Variants in KCNQ3 observed in about 807,000 individuals in gnomAD.
KCNQ3 encodes the protein potassium voltage-gated channel subfamily Q member 3, also known as potassium voltage-gated channel subfamily KQT member 3.
In KCNQ3, 30 loss-of-function variants were observed where a neutral mutation model predicts 92.5. The ratio of observed to expected loss-of-function variants is 0.32; its 90% CI spans 0.24 to 0.44. KCNQ3 has a LOEUF of 0.44. Among genes scored for constraint, KCNQ3 ranks in the 20% least tolerant of loss-of-function variants. The probability of loss-of-function intolerance (pLI) is 1.00; values close to 1 mark genes in which losing one functional copy is unlikely to be tolerated. For synonymous variants in KCNQ3, 450 were observed against 468.8 expected, an observed-to-expected ratio of 0.96 and a Z score of 0.52; for missense variants, 913 against 1,140.3, an observed-to-expected ratio of 0.80 and a Z score of 2.87.
chr8:132,252,680 A>G (rs1815453112), intron 1 of KCNQ3, among the ~76,000 whole-genome samples: 1 of 152,114 alleles, frequency 6.6e-6, no homozygotes, highest in Non-Finnish European at 1.5e-5. Context: ...TGGCCCATTT[A>G]CAATCCTTTA....
intron 1 of KCNQ3, among the ~76,000 whole-genome samples, chr8:132,273,521 A>G (rs1216633795): frequency 6.6e-6 from 1 of 152,176 alleles, no homozygotes; most frequent in Non-Finnish European, 1.5e-5. Context: ...GACCTCTGAC[A>G]TGCGTTGGAG....
chr8:132,314,488 T>C (rs1183399488), intron 1 of KCNQ3, among the ~76,000 whole-genome samples: 3 of 152,176 alleles, frequency 2.0e-5, no homozygotes, highest in Non-Finnish European at 2.9e-5. Context: ...CAACTGAATA[T>C]ATCAAAAGTT....
chr8:132,230,325 C>A (rs947792037), intron 1 of KCNQ3, among the ~76,000 whole-genome samples: 2 of 152,080 alleles, frequency 1.3e-5, no homozygotes, highest in Admixed American at 6.6e-5. Flanking sequence ...AAAGCCCCCC[C>A]GCCCACTAGA....
chr8:132,392,298 T>C (rs1820067780), intron 1 of KCNQ3, among the ~76,000 whole-genome samples: 1 of 152,128 alleles, frequency 6.6e-6, no homozygotes, highest in Non-Finnish European at 1.5e-5. Flanking sequence ...GAATTTACCA[T>C]TTGTGTTTTT....
At chr8:132,476,672 A>G (rs960999763) in intron 1 of KCNQ3, among the ~76,000 whole-genome samples, 1 of 152,182 alleles carries the variant, frequency 6.6e-6, no homozygotes, top group Non-Finnish European at 1.5e-5. Flanking sequence ...GGAAGTAACA[A>G]ACTTTTTTTT....
At chr8:132,461,638 G>A (rs1333593686) in intron 1 of KCNQ3, among the ~76,000 whole-genome samples, 6 of 152,184 alleles carry the variant, frequency 3.9e-5, no homozygotes, top group Admixed American at 6.5e-5. Context: ...ATTCCCATCA[G>A]CAATGAATCA....
At chr8:132,287,559 C>G (rs1789066381) in intron 1 of KCNQ3, among the ~76,000 whole-genome samples, 1 of 152,196 alleles carries the variant, frequency 6.6e-6, no homozygotes, top group African/African-American at 2.4e-5. Flanking sequence ...AATGTAGTCT[C>G]TCCAGATAAT....
chr8:132,350,873 T>C (rs982820213), intron 1 of KCNQ3, among the ~76,000 whole-genome samples: 7 of 152,212 alleles, frequency 4.6e-5, no homozygotes, highest in Admixed American at 3.9e-4. Flanking sequence ...AACTTAAAAT[T>C]GAAAACTCAA....
chr8:132,232,409 C>G lies in KCNQ3; in HGVS notation c.387-46228G>C, dbSNP rs192619974. 5.8e-3 allele frequency among the ~76,000 whole-genome samples: 885 copies of G among 152,338 alleles called. 3 individuals are homozygous for G. Among genetic ancestry groups the G allele is most frequent in the Non-Finnish European group, 8.8e-3 (597 of 68,036 alleles). The stretch of plus-strand genomic sequence containing the variant: ...GGACTCAATCGTTGATAATTTTATG[C>G]TTTCTTTTCTAATTGTCATGTGGAT... On this transcript the variant is annotated intron_variant, in intron 1 of 14. Transcript: ENST00000388996.
chr8:132,367,908 G>C (rs1819367789), intron 1 of KCNQ3, among the ~76,000 whole-genome samples: 1 of 152,126 alleles, frequency 6.6e-6, no homozygotes, highest in Non-Finnish European at 1.5e-5. Flanking sequence ...GCATGCAGTA[G>C]GTGATTATTG....
In KCNQ3 at chr8:132,389,143, C is replaced by A. The variant is rs1819982024; in HGVS notation, c.386+91004G>T. On this transcript the variant is annotated intron_variant, in intron 1 of 14. Coordinates refer to ENST00000388996, the MANE Select transcript of KCNQ3 (RefSeq NM_004519.4). ...TTCATAAAGGACATAACTGATCAAT[C>A]TCACTGCATTAAAAGTAAGAATCTT... Among the ~76,000 whole-genome samples the A allele has an allele frequency of 2.0e-5, 3 of 152,286 alleles. No homozygotes were observed. The South Asian group carries it at 6.2e-4, about 32-fold the overall frequency.
chr8:132,260,899 A>G (rs1463023753), intron 1 of KCNQ3, among the ~76,000 whole-genome samples: 1 of 152,068 alleles, frequency 6.6e-6, no homozygotes, highest in African/African-American at 2.4e-5. Flanking sequence ...CATCCATCCA[A>G]TCACATTTCA....
intron 1 of KCNQ3, among the ~76,000 whole-genome samples, chr8:132,454,612 C>T (rs1253687258): frequency 1.3e-5 from 2 of 152,130 alleles, no homozygotes; most frequent in African/African-American, 4.8e-5. Flanking sequence ...AAGGGGTCAT[C>T]TCAGTGCCTG....
intron 9 of KCNQ3, among the ~76,000 whole-genome samples, chr8:132,161,912 C>T (rs1826002940): frequency 6.6e-6 from 1 of 152,238 alleles, no homozygotes; most frequent in African/African-American, 2.4e-5. Context: ...GCTATAATCA[C>T]ACCTGGCATC....
At chr8:132,403,254 G>GAC (rs942332459) in intron 1 of KCNQ3, among the ~76,000 whole-genome samples, 24 of 150,872 alleles carry the variant, frequency 1.6e-4, no homozygotes, top group Non-Finnish European at 2.2e-4. Context: ...TGTCTCAAAA[G>GAC]AGCCATGACC....
At chr8:132,451,060 T>C (rs1427426469) in intron 1 of KCNQ3, among the ~76,000 whole-genome samples, 1 of 152,162 alleles carries the variant, frequency 6.6e-6, no homozygotes, top group East Asian at 1.9e-4. Flanking sequence ...TCACCTTGAA[T>C]GGTAATAATC....
chr8:132,163,473 T>C lies in KCNQ3; in HGVS notation c.1257A>G (p.Ala419=), dbSNP rs780999590. The change falls in exon 9 of 15, where the codon GCA becomes GCG. Residue 419 remains alanine, a synonymous_variant. Coordinates refer to ENST00000388996, the MANE Select transcript of KCNQ3 (RefSeq NM_004519.4). ...PFFRKEQLEA[A]SSQKLGLLDR... Reference sequence around the variant, plus strand: ...ATTCATAATCAGAAACTTACCTGGATGCTGCCTCCAGCTGTTCTTTCCTAG... The same window carrying C: ...ATTCATAATCAGAAACTTACCTGGACGCTGCCTCCAGCTGTTCTTTCCTAG... 2.5e-6 allele frequency: 4 copies of C among 1,612,566 alleles called. No individual in the cohort carries two copies. In the South Asian group the frequency reaches 4.4e-5, roughly 18 times the overall value.
At chr8:132,307,196 G>A (rs1817452610) in intron 1 of KCNQ3, among the ~76,000 whole-genome samples, 1 of 152,216 alleles carries the variant, frequency 6.6e-6, no homozygotes, top group Admixed American at 6.5e-5. Flanking sequence ...CTTCAGCGCA[G>A]GGGAAATAAG....
intron 1 of KCNQ3, among the ~76,000 whole-genome samples, chr8:132,228,446 G>A (rs111512732): frequency 0.016 from 2,440 of 152,154 alleles, 65 homozygotes; most frequent in African/African-American, 0.056. Context: ...ACCTAATTGC[G>A]AAAGAAACAA....
Sources: gnomAD v4.1 joint callset for allele counts (sites outside exome capture counted in the v4.1 genomes callset) on GRCh38, gnomAD v4.1.1 for gene constraint, MANE v1.5 for transcripts, NCBI Gene and HGNC (gene_info 2026-07-23, HGNC 2026-07-21) for gene names.